Variants in PKP2 observed in about 807,000 individuals in gnomAD.
PKP2 encodes the protein plakophilin-2.
Under a neutral mutation model 83.4 loss-of-function variants are expected in PKP2, and 73 were observed. The observed-to-expected ratio is 0.88, with a 90% confidence interval of 0.72 to 1.06. PKP2 has a LOEUF of 1.06. PKP2 is among the 50% of genes least tolerant of loss of function. PKP2 has a pLI of 0.00. For synonymous variants in PKP2, 409 were observed against 430.4 expected (o/e 0.95, Z 0.62); for missense variants, 966 against 1,065.4 (o/e 0.91, Z 1.30).
chr12:32,889,539 G>A (rs997067280), intron 1 of PKP2, among the ~76,000 whole-genome samples: 8 of 152,176 alleles, frequency 5.3e-5, no homozygotes, highest in African/African-American at 1.9e-4. Context: ...TTGTTGATTA[G>A]TCAGATTACC....
rs1555148048 is a variant in PKP2, at chr12:32,877,928, GC to G, written c.951del (p.His318ThrfsTer2). Reference protein sequence around the residue: ...SVAVDSSGRRAHLTVGQAAAG... With the variant: ...SVAVDSSGRRXHLTVGQAAAG... ...GCGGCCGCCTGGCCGACAGTCAAGTGCGCTCTCCTCCCGCTGGAATCCACGG... is the reference window on the plus strand; with the variant it reads ...GCGGCCGCCTGGCCGACAGTCAAGTGGCTCTCCTCCCGCTGGAATCCACGG... On this transcript the variant is annotated frameshift_variant, in exon 3 of 13. Transcript: ENST00000340811. LOFTEE classifies it high-confidence loss of function. The G allele has an allele frequency of 6.2e-7, 1 of 1,614,144 alleles. No individual in the cohort carries two copies. Among genetic ancestry groups the G allele is most frequent in the Non-Finnish European group, 8.5e-7 (1 of 1,180,012 alleles).
chr12:32,861,317 C>A (rs1408302606), intron 4 of PKP2, among the ~76,000 whole-genome samples: 1 of 152,088 alleles, frequency 6.6e-6, no homozygotes, highest in Non-Finnish European at 1.5e-5. Flanking sequence ...TTTTATCTGT[C>A]TTCCATATGT....
chr12:32,822,482 G>GCTTC lies in PKP2; in HGVS notation c.1820_1823dup (p.Ser608ArgfsTer92), dbSNP rs397517013. 1 of 1,613,736 alleles carries GCTTC rather than the reference G, an allele frequency of 6.2e-7. No individual in the cohort carries two copies. The highest frequency in any genetic ancestry group is 8.5e-7 in the Non-Finnish European group (1 of 1,179,940). On this transcript the variant is annotated frameshift_variant, in exon 8 of 13. Coordinates refer to ENST00000340811, the MANE Select transcript of PKP2 (RefSeq NM_001005242.3). LOFTEE classifies it high-confidence loss of function. The stretch of plus-strand genomic sequence containing the variant: ...CCCAATATACCTCTTTTACTTTCCT[G>GCTTC]CTTCGACTGCCAAAACATCCAATAC...
At chr12:32,826,206 T>A (rs1056155458) in intron 6 of PKP2, among the ~76,000 whole-genome samples, 1 of 148,624 alleles carries the variant, frequency 6.7e-6, no homozygotes, top group African/African-American at 2.5e-5. Context: ...CTCGGGAAGC[T>A]GAGGCAGGAG....
At chr12:32,845,558 AT>A (rs1956637331) in intron 5 of PKP2, among the ~76,000 whole-genome samples, 1 of 152,172 alleles carries the variant, frequency 6.6e-6, no homozygotes, top group Non-Finnish European at 1.5e-5. Context: ...TCTCAAAAAA[AT>A]AAATAAAAAT....
intron 4 of PKP2, among the ~76,000 whole-genome samples, chr12:32,858,516 T>C (rs932363266): frequency 8.5e-5 from 13 of 152,058 alleles, no homozygotes; most frequent in African/African-American, 2.9e-4. Flanking sequence ...GCTCCATAAT[T>C]ATACAACTTT....
At chr12:32,884,645 C>G (rs1957014658) in intron 1 of PKP2, among the ~76,000 whole-genome samples, 1 of 152,078 alleles carries the variant, frequency 6.6e-6, no homozygotes, top group African/African-American at 2.4e-5. Context: ...TCTACACAAG[C>G]AATATGCAAA....
At chr12:32,846,580 T>C (rs1462920126) in intron 5 of PKP2, among the ~76,000 whole-genome samples, 1 of 151,908 alleles carries the variant, frequency 6.6e-6, no homozygotes, top group African/African-American at 2.4e-5. Context: ...CCTCCATCTC[T>C]ACTAAAAATA....
chr12:32,896,456 G>A, intron 1 of PKP2, 53 bp downstream of exon 1: 4 of 1,331,246 alleles, frequency 3.0e-6, no homozygotes, highest in Non-Finnish European at 4.0e-6. Context: ...ATAGGAGGAG[G>A]TGACCGGGTG....
intron 6 of PKP2, among the ~76,000 whole-genome samples, chr12:32,829,717 G>A (rs538124848): frequency 6.6e-6 from 1 of 152,102 alleles, no homozygotes; most frequent in South Asian, 2.1e-4. Flanking sequence ...CTGGAGTGCA[G>A]TGGCGAAATC....
intron 5 of PKP2, among the ~76,000 whole-genome samples, chr12:32,845,086 T>A (rs908647408): frequency 6.6e-6 from 1 of 152,182 alleles, no homozygotes; most frequent in African/African-American, 2.4e-5. Context: ...CATGAGGCTC[T>A]CATTCTAGCC....
intron 9 of PKP2, among the ~76,000 whole-genome samples, chr12:32,803,199 G>A (rs750234432): frequency 2.3e-4 from 35 of 151,828 alleles, no homozygotes; most frequent in Non-Finnish European, 3.8e-4. Context: ...GTGAAACCCT[G>A]TCTTTACTAA....
chr12:32,852,475 A>G (rs749008763), intron 4 of PKP2, among the ~76,000 whole-genome samples: 2 of 152,228 alleles, frequency 1.3e-5, no homozygotes, highest in Non-Finnish European at 2.9e-5. Flanking sequence ...AATCTAAATA[A>G]TAGCCACAAC....
intron 7 of PKP2, among the ~76,000 whole-genome samples, chr12:32,822,884 C>T (rs1956395717): frequency 6.6e-6 from 1 of 152,064 alleles, no homozygotes; most frequent in African/African-American, 2.4e-5. Flanking sequence ...GTGTCCAGAA[C>T]AACTGTATAG....
At chr12:32,822,410 C>T in intron 8 of PKP2, 57 bp downstream of exon 8, 1 of 1,446,224 alleles carries the variant, frequency 6.9e-7, no homozygotes, top group Non-Finnish European at 9.7e-7. Context: ...TATACACAAA[C>T]ACACACTCTC....
chr12:32,819,307 AC>A (rs1204310597), intron 9 of PKP2, among the ~76,000 whole-genome samples: 6 of 46,872 alleles, frequency 1.3e-4, no homozygotes, highest in African/African-American at 2.4e-4. Context: ...ACAATACAAT[AC>A]AATACAATAA....
chr12:32,857,440 A>AAGAG, intron 4 of PKP2, among the ~76,000 whole-genome samples: 1 of 151,650 alleles, frequency 6.6e-6, no homozygotes, highest in East Asian at 1.9e-4. Flanking sequence ...AAAAAGAAAA[A>AAGAG]AGAGAGAGAG....
intron 1 of PKP2, 34 bp from the exon 2 acceptor site, chr12:32,879,066 T>C: frequency 1.9e-6 from 2 of 1,064,682 alleles, no homozygotes; most frequent in Non-Finnish European, 2.9e-6. Flanking sequence ...TAACTCAGAA[T>C]ACAAGTAGGC....
chr12:32,888,739 C>T (rs534967824), intron 1 of PKP2, among the ~76,000 whole-genome samples: 19 of 151,596 alleles, frequency 1.3e-4, no homozygotes, highest in Non-Finnish European at 2.4e-4. Context: ...ATGATCCACC[C>T]GCCTCAGCCT....
Sources: allele counts gnomAD v4.1 joint callset (sites outside exome capture counted in the v4.1 genomes callset), GRCh38; gene constraint gnomAD v4.1.1; transcripts MANE v1.5; gene names NCBI Gene and HGNC (gene_info 2026-07-23, HGNC 2026-07-21).